PABPC4L: variants seen among roughly 807,000 people sequenced by gnomAD.
PABPC4L encodes polyadenylate-binding protein 4-like.
For synonymous variants in PABPC4L, 169 were observed against 164.1 expected, an observed-to-expected ratio of 1.03 and a Z score of -0.23; for missense variants, 452 against 451.4, an observed-to-expected ratio of 1.00 and a Z score of -0.01.
At chr4:133,973,642 T>C in the PABPC4L span, among the ~76,000 whole-genome samples, 1 of 152,076 alleles carries the variant, frequency 6.6e-6, no homozygotes, top group African/African-American at 2.4e-5. Flanking sequence ...ATCCCAAAAC[T>C]CCACATCACA....
At chr4:134,165,905 A>T in the PABPC4L span, among the ~76,000 whole-genome samples, 1 of 152,200 alleles carries the variant, frequency 6.6e-6, no homozygotes, top group African/African-American at 2.4e-5. Context: ...TGATGAGTGG[A>T]TTAAAAAAAT....
chr4:134,047,814 T>TC, the PABPC4L span, among the ~76,000 whole-genome samples: 1 of 150,854 alleles, frequency 6.6e-6, no homozygotes, highest in African/African-American at 2.4e-5. Context: ...CACCAGGGTT[T>TC]TTTTTTTTTT....
chr4:134,055,047 A>G, the PABPC4L span, among the ~76,000 whole-genome samples: 4 of 151,994 alleles, frequency 2.6e-5, no homozygotes. Flanking sequence ...GTTAGTAATG[A>G]TATATCATTG....
At chr4:134,092,828 G>A in the PABPC4L span, among the ~76,000 whole-genome samples, 62 of 152,040 alleles carry the variant, frequency 4.1e-4, no homozygotes, top group African/African-American at 1.3e-3. Context: ...GAACACTCCC[G>A]CCTCATTTGG....
chr4:134,057,143 C>T, the PABPC4L span, among the ~76,000 whole-genome samples: 2 of 151,938 alleles, frequency 1.3e-5, no homozygotes, highest in Admixed American at 6.6e-5. Flanking sequence ...AATGATATGG[C>T]CATGTGATTT....
At chr4:134,157,266 T>G in the PABPC4L span, among the ~76,000 whole-genome samples, 2 of 134,680 alleles carry the variant, frequency 1.5e-5, no homozygotes, top group African/African-American at 3.2e-5. Context: ...ATGCTCTTAG[T>G]TTTTTTTTTT....
chr4:133,983,683 A>C, the PABPC4L span, among the ~76,000 whole-genome samples: 1 of 151,904 alleles, frequency 6.6e-6, no homozygotes, highest in Admixed American at 6.6e-5. Context: ...CTAAGTGGAT[A>C]TAATTCTATA....
chr4:133,963,023 T>C, the PABPC4L span, among the ~76,000 whole-genome samples: 1 of 152,144 alleles, frequency 6.6e-6, no homozygotes, highest in African/African-American at 2.4e-5. Flanking sequence ...ATGGCCTAAA[T>C]GCTCCACTTA....
At chr4:134,003,294 C>G in the PABPC4L span, among the ~76,000 whole-genome samples, 2 of 151,780 alleles carry the variant, frequency 1.3e-5, no homozygotes, top group African/African-American at 4.8e-5. Context: ...ACATTTTTTC[C>G]AACTCATGGA....
At chr4:134,109,067 A>C in the PABPC4L span, among the ~76,000 whole-genome samples, 1 of 151,902 alleles carries the variant, frequency 6.6e-6, no homozygotes, top group Non-Finnish European at 1.5e-5. Context: ...GTAACCCTAA[A>C]CAATTATTTT....
chr4:134,086,128 G>T, the PABPC4L span, among the ~76,000 whole-genome samples: 5 of 148,730 alleles, frequency 3.4e-5, no homozygotes, highest in African/African-American at 1.2e-4. Flanking sequence ...TTCACTGGGG[G>T]GTTCTTTTTT....
At chr4:134,104,755 C>A in the PABPC4L span, among the ~76,000 whole-genome samples, 1 of 151,694 alleles carries the variant, frequency 6.6e-6, no homozygotes, top group Non-Finnish European at 1.5e-5. Context: ...TGGGTTTCAG[C>A]TATCTTCAGA....
the PABPC4L span, among the ~76,000 whole-genome samples, chr4:133,970,035 A>ATATT: frequency 6.8e-6 from 1 of 147,108 alleles, no homozygotes; most frequent in African/African-American, 2.5e-5. Context: ...AAATATATAT[A>ATATT]TATTTATTTA....
the PABPC4L span, among the ~76,000 whole-genome samples, chr4:134,041,948 C>A: frequency 6.6e-6 from 1 of 152,070 alleles, no homozygotes; most frequent in Non-Finnish European, 1.5e-5. Context: ...GAAAAGAAAT[C>A]AAAAAGACAT....
At chr4:134,095,355 G>T in the PABPC4L span, among the ~76,000 whole-genome samples, 6 of 151,926 alleles carry the variant, frequency 3.9e-5, no homozygotes, top group African/African-American at 1.4e-4. Flanking sequence ...ATATGGAAAA[G>T]AATGTTAAAA....
At chr4:134,043,110 G>A in the PABPC4L span, among the ~76,000 whole-genome samples, 11 of 152,040 alleles carry the variant, frequency 7.2e-5, no homozygotes, top group African/African-American at 1.2e-4. Flanking sequence ...CACCACCAAG[G>A]AATAAAGTAA....
chr4:134,151,276 C>T, the PABPC4L span, among the ~76,000 whole-genome samples: 22 of 151,906 alleles, frequency 1.4e-4, no homozygotes, highest in Admixed American at 3.3e-4. Flanking sequence ...ATATGTATTA[C>T]GGTTAAAAAT....
the PABPC4L span, among the ~76,000 whole-genome samples, chr4:134,151,681 A>G: frequency 6.6e-6 from 1 of 152,016 alleles, no homozygotes; most frequent in Non-Finnish European, 1.5e-5. Flanking sequence ...AACTCAAAAT[A>G]AAGAGAATAG....
the PABPC4L span, among the ~76,000 whole-genome samples, chr4:134,188,901 C>T: frequency 7.2e-5 from 11 of 151,962 alleles, no homozygotes; most frequent in African/African-American, 2.7e-4. Context: ...GTTTCATTCT[C>T]TCTTTCTTCT....
Sources: allele counts gnomAD v4.1 joint callset (sites outside exome capture counted in the v4.1 genomes callset), GRCh38; gene constraint gnomAD v4.1.1; transcripts MANE v1.5; gene names NCBI Gene and HGNC (gene_info 2026-07-23, HGNC 2026-07-21).